STXBP4: variants seen among roughly 807,000 people sequenced by gnomAD.
STXBP4 encodes the protein syntaxin-binding protein 4.
In STXBP4, 55 loss-of-function variants were observed where a neutral mutation model predicts 76.1. The observed-to-expected ratio is 0.72, with a 90% CI of 0.58 to 0.91. STXBP4 has a LOEUF of 0.91. Ranked by LOEUF, STXBP4 falls within the 40% of genes least tolerant of loss-of-function variation. The probability of loss-of-function intolerance (pLI) is 0.00; values close to 1 mark genes in which losing one functional copy is unlikely to be tolerated. For synonymous variants in STXBP4, 201 were observed against 220.2 expected (o/e 0.91, Z 0.77); for missense variants, 618 against 636.9 (o/e 0.97, Z 0.32).
At chr17:54,970,626 C>T (rs2077382559) in intron 1 of STXBP4, among the ~76,000 whole-genome samples, 1 of 152,204 alleles carries the variant, frequency 6.6e-6, no homozygotes, top group African/African-American at 2.4e-5. Context: ...ATTCTCAGCT[C>T]TTCTAGGATG....
intron 8 of STXBP4, among the ~76,000 whole-genome samples, chr17:55,012,226 A>T (rs1438810703): frequency 6.6e-6 from 1 of 152,134 alleles, no homozygotes; most frequent in Admixed American, 6.5e-5. Context: ...GCTGCAGGCA[A>T]AAGTATTTTT....
chr17:55,003,316 T>G (rs547545052), intron 7 of STXBP4, among the ~76,000 whole-genome samples: 1 of 152,270 alleles, frequency 6.6e-6, no homozygotes, highest in South Asian at 2.1e-4. Flanking sequence ...AAAAATAGGT[T>G]AGTGAAAAAT....
the STXBP4 span, among the ~76,000 whole-genome samples, chr17:55,187,011 G>C: frequency 6.6e-6 from 1 of 152,368 alleles, no homozygotes; most frequent in East Asian, 1.9e-4. Context: ...ATTCAAGTGA[G>C]GCTTAGAGGC....
At position 55,131,757 on chromosome 17, in the gene STXBP4, C is replaced by A. The variant is rs1448184199; in HGVS notation, c.1490-9553C>A. Among the ~76,000 whole-genome samples the A allele has an allele frequency of 2.0e-5, 3 of 152,112 alleles. 1 individual carries two copies. In the East Asian group the frequency reaches 5.8e-4, roughly 29 times the overall value. On this transcript the variant is annotated intron_variant, in intron 16 of 17. Coordinates refer to ENST00000376352, the MANE Select transcript of STXBP4 (RefSeq NM_178509.6). Reference sequence around the variant, plus strand: ...TTTTATTATTGTAATAACAGCAGTGCTCCCCCCACCCACCCCTGCCTTAAG... The same window carrying A: ...TTTTATTATTGTAATAACAGCAGTGATCCCCCCACCCACCCCTGCCTTAAG...
At chr17:55,158,648 C>T (rs1190031392) in intron 17 of STXBP4, among the ~76,000 whole-genome samples, 1 of 152,176 alleles carries the variant, frequency 6.6e-6, no homozygotes, top group African/African-American at 2.4e-5. Context: ...CCTAGACATA[C>T]CCAATATCTT....
chr17:55,207,433 C>T, the STXBP4 span, among the ~76,000 whole-genome samples: 14 of 152,162 alleles, frequency 9.2e-5, no homozygotes, highest in African/African-American at 3.4e-4. Flanking sequence ...GAATAGAGTG[C>T]CCATTTCCTC....
rs542739124 is a variant in STXBP4, at chr17:54,990,219, G to A, written c.48-606G>A. Among the ~76,000 whole-genome samples, 87 of 152,264 alleles carry A rather than the reference G, an allele frequency of 5.7e-4. 1 individual carries two copies. The highest frequency in any genetic ancestry group is 2.1e-3 in the African/African-American group (86 of 41,556). ...TGCTAGTAAGTACTAAGTATTTTGG[G>A]TTGTCTAGATCAGAGGTCCCTAATC... On this transcript the variant is annotated intron_variant, in intron 3 of 17. Coordinates refer to ENST00000376352, the MANE Select transcript of STXBP4 (RefSeq NM_178509.6).
rs1273555679 is a variant in STXBP4, at chr17:55,129,506, T to A, written c.1490-11804T>A. Among the ~76,000 whole-genome samples the A allele has an allele frequency of 2.0e-5, 3 of 151,936 alleles. No homozygotes were observed. In the East Asian group the frequency reaches 5.8e-4, roughly 29 times the overall value. The stretch of plus-strand genomic sequence containing the variant: ...ATTCATGAGGCTTGAGGCAGGAAGA[T>A]CCCTTGAGCCCAGGAGTTTGAGTCC... On this transcript the variant is annotated intron_variant, in intron 16 of 17. Coordinates refer to ENST00000376352, the MANE Select transcript of STXBP4 (RefSeq NM_178509.6).
At chr17:55,130,363 G>A (rs1238731885) in intron 16 of STXBP4, among the ~76,000 whole-genome samples, 2 of 152,168 alleles carry the variant, frequency 1.3e-5, no homozygotes, top group Non-Finnish European at 2.9e-5. Flanking sequence ...AGTATAAACA[G>A]TAGGTATGTT....
chr17:55,069,810 T>C (rs992119237), intron 12 of STXBP4, among the ~76,000 whole-genome samples: 1 of 152,182 alleles, frequency 6.6e-6, no homozygotes, highest in African/African-American at 2.4e-5. Flanking sequence ...TAGCATTCTT[T>C]GAACAAAAAT....
At chr17:55,211,098 C>G in the STXBP4 span, among the ~76,000 whole-genome samples, 1 of 152,020 alleles carries the variant, frequency 6.6e-6, no homozygotes, top group Admixed American at 6.6e-5. Flanking sequence ...GAAATGCCCC[C>G]CCCCATGAAA....
chr17:55,006,835 A>C (rs1598191938), intron 7 of STXBP4, among the ~76,000 whole-genome samples: 1 of 152,306 alleles, frequency 6.6e-6, no homozygotes, highest in Non-Finnish European at 1.5e-5. Context: ...CACATCACAA[A>C]ACACTTTTGC....
intron 16 of STXBP4, among the ~76,000 whole-genome samples, chr17:55,128,840 C>A (rs899430750): frequency 2.0e-5 from 3 of 151,988 alleles, no homozygotes; most frequent in African/African-American, 7.3e-5. Flanking sequence ...GTCTTGAACT[C>A]CTGACCTCAG....
chr17:55,141,147 G>A (rs2080090471), intron 16 of STXBP4, among the ~76,000 whole-genome samples, 163 bp from the exon 17 acceptor site: 1 of 152,170 alleles, frequency 6.6e-6, no homozygotes, highest in African/African-American at 2.4e-5. Flanking sequence ...AAGATGCTGA[G>A]TATGAAAGCT....
downstream of STXBP4, among the ~76,000 whole-genome samples, chr17:55,176,774 T>C (rs894729996): frequency 6.6e-6 from 1 of 152,126 alleles, no homozygotes; most frequent in African/African-American, 2.4e-5. Context: ...GTGAATATCA[T>C]CCAATCCACT....
intron 12 of STXBP4, among the ~76,000 whole-genome samples, chr17:55,064,280 G>A (rs1012636429): frequency 2.0e-5 from 3 of 152,022 alleles, no homozygotes; most frequent in Non-Finnish European, 2.9e-5. Flanking sequence ...CTGATTTCCT[G>A]ATGTGGTTGC....
the STXBP4 span, among the ~76,000 whole-genome samples, chr17:55,211,666 T>A: frequency 5.3e-5 from 8 of 152,142 alleles, no homozygotes; most frequent in African/African-American, 1.4e-4. Flanking sequence ...TTTTCTTAAC[T>A]ATATCCTCAT....
downstream of STXBP4, among the ~76,000 whole-genome samples, chr17:55,174,178 A>G (rs558739544): frequency 6.6e-6 from 1 of 152,342 alleles, no homozygotes; most frequent in South Asian, 2.1e-4. Context: ...TTTCAAGGTA[A>G]CATCTTCATG....
intron 11 of STXBP4, among the ~76,000 whole-genome samples, chr17:55,045,252 G>T (rs759471738): frequency 5.2e-4 from 79 of 151,854 alleles, no homozygotes; most frequent in Admixed American, 1.4e-3. Flanking sequence ...CTTTGAAACC[G>T]CTATCTTTCC....
Sources: allele counts gnomAD v4.1 joint callset (sites outside exome capture counted in the v4.1 genomes callset), GRCh38; gene constraint gnomAD v4.1.1; transcripts MANE v1.5; gene names NCBI Gene and HGNC (gene_info 2026-07-23, HGNC 2026-07-21).